TNFSF4: variants seen among roughly 807,000 people sequenced by gnomAD.
The protein encoded by TNFSF4 is tumor necrosis factor ligand superfamily member 4.
A neutral mutation model predicts 7.3 loss-of-function variants in TNFSF4; 4 were observed. The ratio of observed to expected loss-of-function variants is 0.55; its 90% CI spans 0.27 to 1.25. The LOEUF (loss-of-function observed/expected upper bound fraction) is 1.25. Among genes scored for constraint, TNFSF4 ranks in the 50% most tolerant of loss-of-function variants. TNFSF4 has a pLI of 0.12. For missense variants in TNFSF4, 181 were observed against 208.8 expected, an observed-to-expected ratio of 0.87 and a Z score of 0.82; for synonymous variants, 76 against 83.7, an observed-to-expected ratio of 0.91 and a Z score of 0.50.
chr1:173,221,371 G>C, the TNFSF4 span, among the ~76,000 whole-genome samples: 1 of 152,162 alleles, frequency 6.6e-6, no homozygotes, highest in African/African-American at 2.4e-5. Context: ...TTAAAGCAGA[G>C]AGATGAGTTA....
chr1:173,311,042 T>C, the TNFSF4 span, among the ~76,000 whole-genome samples: 1 of 152,018 alleles, frequency 6.6e-6, no homozygotes, highest in Admixed American at 6.6e-5. Context: ...GTAAACATCA[T>C]ATGTTTAAGT....
chr1:173,405,271 A>T, the TNFSF4 span, among the ~76,000 whole-genome samples: 1 of 152,232 alleles, frequency 6.6e-6, no homozygotes, highest in Admixed American at 6.5e-5. Context: ...CCACACTAAC[A>T]CACAAAATGG....
chr1:173,441,398 G>A, the TNFSF4 span, among the ~76,000 whole-genome samples: 3 of 152,080 alleles, frequency 2.0e-5, no homozygotes, highest in South Asian at 2.1e-4. Flanking sequence ...CAAGGTGGGC[G>A]GATTGCCTGA....
chr1:173,308,291 GTGTGTGTGTGTGTGTGTGTGTC>G, the TNFSF4 span, among the ~76,000 whole-genome samples: 1 of 126,676 alleles, frequency 7.9e-6, no homozygotes, highest in Non-Finnish European at 1.5e-5. Context: ...CTCTCTGTGT[GTGTGTGTGTGTGTGTGTGTGTC>G]TGTGTGTGTG....
chr1:173,222,336 G>T, the TNFSF4 span, among the ~76,000 whole-genome samples: 27,896 of 152,056 alleles, frequency 0.18, 3,092 homozygotes, highest in Admixed American at 0.3. Flanking sequence ...TCACCAAAAC[G>T]GTCTGAAATG....
At chr1:173,440,131 G>T in the TNFSF4 span, among the ~76,000 whole-genome samples, 25,498 of 152,092 alleles carry the variant, frequency 0.17, 2,950 homozygotes, top group African/African-American at 0.32. Flanking sequence ...GAGCTAACTA[G>T]GCTTGGCTGA....
chr1:173,349,722 T>G, the TNFSF4 span, among the ~76,000 whole-genome samples: 1 of 152,242 alleles, frequency 6.6e-6, no homozygotes, highest in East Asian at 1.9e-4. Context: ...GAGAAATATT[T>G]ATATTCCGGG....
At chr1:173,410,082 T>C in the TNFSF4 span, among the ~76,000 whole-genome samples, 8 of 152,004 alleles carry the variant, frequency 5.3e-5, no homozygotes, top group Admixed American at 4.6e-4. Flanking sequence ...CTGGGCAACA[T>C]AGTGAGACCT....
chr1:173,179,275 G>A (rs958898664), downstream of TNFSF4, among the ~76,000 whole-genome samples: 1 of 152,188 alleles, frequency 6.6e-6, no homozygotes, highest in African/African-American at 2.4e-5. Context: ...ACAGCAACAC[G>A]ATGAGCCAGA....
chr1:173,177,050 C>A, the TNFSF4 span, among the ~76,000 whole-genome samples: 1 of 152,036 alleles, frequency 6.6e-6, no homozygotes, highest in Admixed American at 6.6e-5. Context: ...GATGAAATAA[C>A]TTGTGCACCA....
chr1:173,253,603 G>C, the TNFSF4 span, among the ~76,000 whole-genome samples: 1 of 152,310 alleles, frequency 6.6e-6, no homozygotes, highest in East Asian at 1.9e-4. Flanking sequence ...TGGTAACAAA[G>C]AGAGAACTGA....
At chr1:173,351,484 G>T in the TNFSF4 span, among the ~76,000 whole-genome samples, 1 of 152,190 alleles carries the variant, frequency 6.6e-6, no homozygotes, top group Admixed American at 6.5e-5. Context: ...GTCTTTTGCA[G>T]TTGTTGCTTC....
chr1:173,359,510 TAAAAAAAAAAAAAAAAAA>T, the TNFSF4 span, among the ~76,000 whole-genome samples: 2 of 122,740 alleles, frequency 1.6e-5, no homozygotes, highest in Non-Finnish European at 1.7e-5. Context: ...TTACCAGCTG[TAAAAAAAAAAAAAAAAAA>T]AAAAAAAAAA....
chr1:173,449,015 T>C, the TNFSF4 span, among the ~76,000 whole-genome samples: 6 of 152,206 alleles, frequency 3.9e-5, no homozygotes, highest in Non-Finnish European at 8.8e-5. Flanking sequence ...ATGTTAGAAG[T>C]GGGGCCTGGT....
At chr1:173,308,787 T>C in the TNFSF4 span, among the ~76,000 whole-genome samples, 1 of 151,966 alleles carries the variant, frequency 6.6e-6, no homozygotes, top group African/African-American at 2.4e-5. Context: ...ATATGTCTAG[T>C]TATTCATGCT....
the TNFSF4 span, among the ~76,000 whole-genome samples, chr1:173,261,856 A>C: frequency 5.6e-5 from 8 of 143,718 alleles, no homozygotes; most frequent in East Asian, 6.2e-4. Context: ...CAACCAAAAA[A>C]AAAGCCCAAG....
the TNFSF4 span, among the ~76,000 whole-genome samples, chr1:173,178,178 T>G: frequency 1.4e-4 from 22 of 152,312 alleles, no homozygotes; most frequent in African/African-American, 5.3e-4. Context: ...TCACCACAAG[T>G]CCCGAAGTCA....
At chr1:173,404,216 T>C in the TNFSF4 span, among the ~76,000 whole-genome samples, 14 of 152,168 alleles carry the variant, frequency 9.2e-5, no homozygotes, top group Non-Finnish European at 1.8e-4. Flanking sequence ...TGTATAACTA[T>C]GCAGACCACA....
At chr1:173,436,662 C>T in the TNFSF4 span, among the ~76,000 whole-genome samples, 1 of 152,160 alleles carries the variant, frequency 6.6e-6, no homozygotes, top group African/African-American at 2.4e-5. Context: ...CCTGCCTTGT[C>T]CTCCCAAAGT....
Sources: allele counts gnomAD v4.1 joint callset (sites outside exome capture counted in the v4.1 genomes callset), GRCh38; gene constraint gnomAD v4.1.1; transcripts MANE v1.5; gene names NCBI Gene and HGNC (gene_info 2026-07-23, HGNC 2026-07-21).